ARHGAP28: variants seen among roughly 807,000 people sequenced by gnomAD.
ARHGAP28 encodes the protein Rho GTPase activating protein 28, also known as rho GTPase-activating protein 28.
ARHGAP28 carries 56 observed loss-of-function variants against 90.7 expected under a neutral mutation model. The ratio of observed to expected loss-of-function variants is 0.62; its 90% confidence interval spans 0.50 to 0.77. ARHGAP28 has a LOEUF of 0.77. ARHGAP28 is among the 30% of genes least tolerant of loss of function. ARHGAP28 has a pLI of 0.00. For missense variants in ARHGAP28, 869 were observed against 900.9 expected, an observed-to-expected ratio of 0.96 and a Z score of 0.45; for synonymous variants, 308 against 323.3, an observed-to-expected ratio of 0.95 and a Z score of 0.51.
At chr18:6,755,791 A>G (rs114930065) in intron 1 of ARHGAP28, among the ~76,000 whole-genome samples, 1,990 of 152,320 alleles carry the variant, frequency 0.013, 41 homozygotes, top group African/African-American at 0.045. Flanking sequence ...TCTAATGAGT[A>G]TCATTGCTGA....
chr18:6,847,428 T>G (rs1398713448), intron 3 of ARHGAP28, among the ~76,000 whole-genome samples: 1 of 152,182 alleles, frequency 6.6e-6, no homozygotes. Context: ...TCTCAGTATA[T>G]TAGAGAGGGA....
intron 3 of ARHGAP28, among the ~76,000 whole-genome samples, chr18:6,841,157 TTCTC>T (rs1315145364): frequency 1.4e-4 from 10 of 70,280 alleles, no homozygotes; most frequent in Non-Finnish European, 2.6e-4. Context: ...TCTCTCCTCT[TTCTC>T]TCTCTCCTCT....
rs1555631529 is a variant in ARHGAP28, at chr18:6,841,208, C to CTCTCTCTCTCTCT, written c.543+3794_543+3795insTCTCTCTCTCTCT. Among the ~76,000 whole-genome samples, 100 of 43,104 alleles carry CTCTCTCTCTCTCT rather than the reference C, an allele frequency of 2.3e-3. 3 individuals are homozygous for CTCTCTCTCTCTCT. Among genetic ancestry groups the CTCTCTCTCTCTCT allele is most frequent in the South Asian group, 5.1e-3 (4 of 780 alleles). The allele number at this position is 43,104 out of a possible 152,430, so 28.3% of individuals were successfully genotyped here. A position where few individuals can be genotyped will look rare whatever the true frequency, so the allele number is the denominator to read the frequency against. On this transcript the variant is annotated intron_variant, in intron 3 of 17. Coordinates refer to ENST00000383472, the MANE Select transcript of ARHGAP28 (RefSeq NM_001366230.1). ...CTCTCTCTCTCTCTCTCTCTCCTCT[C>CTCTCTCTCTCTCT]CTCTCTCTCTCTCTCCCCCCAACCC...
rs1491103592 is a variant in ARHGAP28 at position 6,841,180 on chromosome 18, C to CTCT, written c.543+3766_543+3767insTCT. On this transcript the variant is annotated intron_variant, in intron 3 of 17. Transcript: ENST00000383472. ...CTTTCTCTCTCTCCTCTCTCTCTCTCCTCTCTCTCTCTCTCTCTCTCTCCT... is the reference window on the plus strand; with the variant it reads ...CTTTCTCTCTCTCCTCTCTCTCTCTCTCTCTCTCTCTCTCTCTCTCTCTCTCCT... Among the ~76,000 whole-genome samples the CTCT allele has an allele frequency of 2.1e-3, 120 of 57,044 alleles. 2 individuals are homozygous for CTCT. Among genetic ancestry groups the CTCT allele is most frequent in the South Asian group, 4.5e-3 (6 of 1,348 alleles). 37.4% of individuals were successfully genotyped at this position (57,044 alleles called of 152,430 possible). A position where few individuals can be genotyped will look rare whatever the true frequency, so the allele number is the denominator to read the frequency against.
At chr18:6,852,679 A>G (rs1170679866) in intron 4 of ARHGAP28, among the ~76,000 whole-genome samples, 4 of 152,224 alleles carry the variant, frequency 2.6e-5, no homozygotes, top group African/African-American at 9.7e-5. Context: ...TTGCCGCCTT[A>G]GCACGTGGAC....
intron 2 of ARHGAP28, among the ~76,000 whole-genome samples, chr18:6,831,292 T>C (rs7244236): frequency 0.63 from 95,114 of 151,948 alleles, 31,589 homozygotes; most frequent in South Asian, 0.74. Context: ...TTAAAACTTT[T>C]TATTACTGTA....
intron 1 of ARHGAP28, among the ~76,000 whole-genome samples, chr18:6,811,399 T>C (rs947863580): frequency 2.0e-5 from 3 of 152,232 alleles, no homozygotes; most frequent in African/African-American, 7.2e-5. Flanking sequence ...CCGATTGTCA[T>C]GCATTCACCT....
chr18:6,769,706 G>T (rs1434097016), intron 1 of ARHGAP28, among the ~76,000 whole-genome samples: 2 of 152,158 alleles, frequency 1.3e-5, no homozygotes, highest in Non-Finnish European at 2.9e-5. Context: ...CTGCTATTAG[G>T]TTATCTTTCT....
intron 1 of ARHGAP28, among the ~76,000 whole-genome samples, chr18:6,754,336 A>G (rs1401022365): frequency 6.6e-6 from 1 of 152,228 alleles, no homozygotes; most frequent in African/African-American, 2.4e-5. Context: ...AAGTAGAGCC[A>G]TTTAATGTTG....
intron 6 of ARHGAP28, among the ~76,000 whole-genome samples, chr18:6,869,873 A>C (rs1450881473): frequency 6.6e-6 from 1 of 152,204 alleles, no homozygotes; most frequent in Non-Finnish European, 1.5e-5. Flanking sequence ...ATCCGAAATC[A>C]GGTTAGGATC....
chr18:6,767,145 T>C (rs1441141844), intron 1 of ARHGAP28, among the ~76,000 whole-genome samples: 1 of 152,206 alleles, frequency 6.6e-6, no homozygotes, highest in Non-Finnish European at 1.5e-5. Flanking sequence ...TTTTTCGTGA[T>C]GGCTGCAGAG....
At chr18:6,876,266 C>A in intron 10 of ARHGAP28, 58 bp downstream of exon 10, 1 of 1,288,408 alleles carries the variant, frequency 7.8e-7, no homozygotes, top group Non-Finnish European at 1.1e-6. Context: ...ACCCAGTTCA[C>A]ACAAGCATCG....
chr18:6,799,323 G>A (rs758209423), intron 1 of ARHGAP28, among the ~76,000 whole-genome samples: 11 of 152,022 alleles, frequency 7.2e-5, no homozygotes, highest in Non-Finnish European at 1.5e-4. Flanking sequence ...AAAGTAATTT[G>A]TAGATTCAGT....
chr18:6,889,396 C>T (rs2057246727), intron 12 of ARHGAP28, among the ~76,000 whole-genome samples: 1 of 152,210 alleles, frequency 6.6e-6, no homozygotes, highest in East Asian at 1.9e-4. Context: ...GTTGAGTTTA[C>T]ATTTGGGCTG....
chr18:6,736,759 CA>C (rs2055932150), intron 1 of ARHGAP28, among the ~76,000 whole-genome samples: 1 of 131,270 alleles, frequency 7.6e-6, no homozygotes, highest in Non-Finnish European at 1.6e-5. Flanking sequence ...AAAAAAAAAA[CA>C]AAAAACAGAA....
intron 1 of ARHGAP28, among the ~76,000 whole-genome samples, chr18:6,811,779 C>T (rs2056558831): frequency 1.3e-5 from 2 of 151,890 alleles, no homozygotes; most frequent in Admixed American, 1.3e-4. Flanking sequence ...TTTGTAAAAG[C>T]ATATTTCTCA....
intron 1 of ARHGAP28, among the ~76,000 whole-genome samples, chr18:6,805,428 G>T (rs1178376078): frequency 2.7e-5 from 4 of 146,230 alleles, no homozygotes; most frequent in Admixed American, 6.8e-5. Flanking sequence ...AGCTATTTAT[G>T]TCCAGCATAC....
intron 3 of ARHGAP28, among the ~76,000 whole-genome samples, chr18:6,846,270 C>G (rs771260761): frequency 7.9e-5 from 12 of 152,108 alleles, no homozygotes; most frequent in Non-Finnish European, 1.5e-4. Context: ...CCTTTTCCCA[C>G]CCTTGATGTG....
intron 2 of ARHGAP28, among the ~76,000 whole-genome samples, chr18:6,828,032 T>C (rs1747497240): frequency 6.6e-6 from 1 of 152,074 alleles, no homozygotes; most frequent in East Asian, 1.9e-4. Context: ...CGAGCCGAGA[T>C]CACGCCACTG....
Sources: allele counts gnomAD v4.1 joint callset (sites outside exome capture counted in the v4.1 genomes callset), GRCh38; gene constraint gnomAD v4.1.1; transcripts MANE v1.5; gene names NCBI Gene and HGNC (gene_info 2026-07-23, HGNC 2026-07-21).